Variants in PATZ1 observed in about 807,000 individuals in gnomAD.
The protein encoded by PATZ1 is POZ-, AT hook-, and zinc finger-containing protein 1.
PATZ1 carries 9 observed loss-of-function variants against 46.2 expected under a neutral mutation model. The observed-to-expected ratio is 0.19, with a 90% CI of 0.12 to 0.34. The LOEUF (loss-of-function observed/expected upper bound fraction) is 0.34, where lower values mean the gene tolerates loss of function less well. Ranked by LOEUF, PATZ1 falls within the 10% of genes least tolerant of loss-of-function variation. The pLI is 1.00. For missense variants in PATZ1, 632 were observed against 923.0 expected (o/e 0.68, Z 4.08); for synonymous variants, 426 against 378.6 (o/e 1.13, Z -1.45).
At chr22:31,335,292 C>T (rs2049494666) in intron 3 of PATZ1, 1 of 163,630 alleles carries the variant, frequency 6.1e-6, no homozygotes, top group African/African-American at 2.4e-5. Context: ...GTGAATCAAC[C>T]AGCAAAAGCT....
At chr22:31,342,583 C>G (rs563692184) in intron 2 of PATZ1, among the ~76,000 whole-genome samples, 4 of 152,144 alleles carry the variant, frequency 2.6e-5, no homozygotes, top group Non-Finnish European at 5.9e-5. Flanking sequence ...AACACAACAT[C>G]TGTGTGATAC....
chr22:31,335,597 AGT>A, intron 3 of PATZ1, 93 bp downstream of exon 3: 1 of 1,173,816 alleles, frequency 8.5e-7, no homozygotes, highest in Non-Finnish European at 1.2e-6. Context: ...CTGTGCAAAG[AGT>A]GGAGTCTGAG....
At position 31,345,023 on chromosome 22, in the gene PATZ1, C is replaced by A; in HGVS notation, c.580G>T (p.Ala194Ser). The part of the protein sequence containing the change: ...GFPLDMTNGA[A>S]LAANSNGIAG... ...ATGCCATTGCTGTTGGCTGCCAAGG[C>A]TGCCCCGTTGGTCATGTCCAAAGGG... Residue 194 changes from alanine (A) to serine (S), a missense_variant, in exon 1 of 5, where the codon GCC becomes TCC. This residue lies in a region of PATZ1 where 279 missense variants were observed against 284.3 expected (regional missense o/e 0.98). Coordinates refer to ENST00000266269, the MANE Select transcript of PATZ1 (RefSeq NM_014323.3). The surrounding 1 kb of genome is among the most constrained non-coding windows in gnomAD (Gnocchi z 7.4). 2 of 1,614,132 alleles carry A rather than the reference C, an allele frequency of 1.2e-6. No homozygotes were observed. Among genetic ancestry groups the A allele is most frequent in the Non-Finnish European group, 1.7e-6 (2 of 1,180,034 alleles).
chr22:31,343,595 G>A (rs567299497), intron 1 of PATZ1: 159 of 230,956 alleles, frequency 6.9e-4, no homozygotes, highest in Non-Finnish European at 1.0e-3. Flanking sequence ...GGTTAAAACC[G>A]GCCTTTTAGG....
chr22:31,334,228 C>CAGCCTGATAA (rs2049480796), intron 3 of PATZ1, among the ~76,000 whole-genome samples: 1 of 152,220 alleles, frequency 6.6e-6, no homozygotes, highest in Non-Finnish European at 1.5e-5. Context: ...CAGTCAGCCA[C>CAGCCTGATAA]AGCCTGATAA....
intron 2 of PATZ1, chr22:31,340,912 G>C (rs995998576): frequency 1.9e-6 from 2 of 1,066,364 alleles, no homozygotes; most frequent in Non-Finnish European, 1.1e-6. Context: ...ATGAAAGCAG[G>C]ATCTAGATCT....
rs1225961417 is a variant in PATZ1 at position 31,345,894 on chromosome 22, G to C, written c.-292C>G. 2 of 357,114 alleles carry C rather than the reference G, an allele frequency of 5.6e-6. No individual in the cohort carries two copies. Among genetic ancestry groups the C allele is most frequent in the Non-Finnish European group, 1.0e-5 (2 of 198,974 alleles). 22.1% of individuals were successfully genotyped at this position (357,114 alleles called of 1,614,324 possible). A position where few individuals can be genotyped will look rare whatever the true frequency, so the allele number is the denominator to read the frequency against. Reference sequence around the variant, plus strand: ...CCTTCCCGGTCTACCTTCCGGGGGGGTGCGCGAGCGAAGAGGTGCGCCCCT... The same window carrying C: ...CCTTCCCGGTCTACCTTCCGGGGGGCTGCGCGAGCGAAGAGGTGCGCCCCT... On this transcript the variant is annotated 5_prime_UTR_variant, in exon 1 of 5. Transcript: ENST00000266269. The surrounding 1 kb of genome is among the most constrained non-coding windows in gnomAD (Gnocchi z 7.4).
Position 31,345,461 on chromosome 22 carries a change from C to G in PATZ1, c.142G>C (p.Gly48Arg). 1 of 1,612,536 alleles carries G rather than the reference C, an allele frequency of 6.2e-7. No homozygotes were observed. The highest frequency in any genetic ancestry group is 1.1e-5 in the South Asian group (1 of 91,008). Residue 48 changes from glycine to arginine, a missense_variant, in exon 1 of 5, where the codon GGC (glycine) becomes CGC (arginine). By Grantham distance (125) the Gly-to-Arg change is moderately radical. Around this residue, in one of 7 missense-constraint regions of PATZ1, gnomAD observed 19 missense variants for 71.4 expected, o/e 0.27. Coordinates refer to ENST00000266269, the MANE Select transcript of PATZ1 (RefSeq NM_014323.3). This position sits in a 1 kb window ranked among gnomAD's most constrained non-coding sequence, Gnocchi z 7.4. ...GRFCDVLLRV[G>R]DESFPAHRAV... is the part of the protein sequence containing the mutation. ...CGGTGCGCTGGGAAGCTCTCGTCGC[C>G]TACCCGCAAGAGCACGTCGCAGAAG...
At position 31,345,788 on chromosome 22, in the gene PATZ1, G is replaced by C; in HGVS notation, c.-186C>G. 1.8e-6 allele frequency: 1 copy of C among 564,498 alleles called. No individual in the cohort carries two copies. Among genetic ancestry groups the C allele is most frequent in the South Asian group, 2.7e-5 (1 of 37,118 alleles). The allele number at this position is 564,498 out of a possible 1,614,324, so 35.0% of individuals were successfully genotyped here. On this transcript the variant is annotated 5_prime_UTR_variant, in exon 1 of 5. Coordinates refer to ENST00000266269, the MANE Select transcript of PATZ1 (RefSeq NM_014323.3). This position sits in a 1 kb window ranked among gnomAD's most constrained non-coding sequence, Gnocchi z 7.4. Reference sequence around the variant, plus strand: ...GCCCGGATCAGACTGTCTAGACTGCGGGGTGCACCACCCCCCACATAGCCA... The same window carrying C: ...GCCCGGATCAGACTGTCTAGACTGCCGGGTGCACCACCCCCCACATAGCCA...
At position 31,345,830 on chromosome 22, in the gene PATZ1, G is replaced by T; in HGVS notation, c.-228C>A. ...ACATAGCCAACCCCCGCCCTCGCTG[G>T]ACTGCGCGCCACTCTCTCCTCTCCG... On this transcript the variant is annotated 5_prime_UTR_variant, in exon 1 of 5. Coordinates refer to ENST00000266269, the MANE Select transcript of PATZ1 (RefSeq NM_014323.3). This position sits in a 1 kb window ranked among gnomAD's most constrained non-coding sequence, Gnocchi z 7.4. 2.3e-6 allele frequency: 1 copy of T among 443,376 alleles called. No individual in the cohort carries two copies. The highest frequency in any genetic ancestry group is 5.3e-5 in the South Asian group (1 of 18,848). 27.5% of individuals were successfully genotyped at this position (443,376 alleles called of 1,614,324 possible). A position where few individuals can be genotyped will look rare whatever the true frequency, so the allele number is the denominator to read the frequency against.
At chr22:31,343,862 T>C (rs1189459059) in intron 1 of PATZ1, among the ~76,000 whole-genome samples, 1 of 152,220 alleles carries the variant, frequency 6.6e-6, no homozygotes, top group African/African-American at 2.4e-5. Flanking sequence ...TGGAGTCTAC[T>C]GATCAGGATG....
chr22:31,344,218 T>G (rs2049619300), intron 1 of PATZ1, 114 bp downstream of exon 1: 1 of 937,864 alleles, frequency 1.1e-6, no homozygotes. Context: ...AAACCTGGCA[T>G]GGTTCTATAA....
At chr22:31,342,396 C>T (rs2049593425) in intron 2 of PATZ1, among the ~76,000 whole-genome samples, 1 of 152,098 alleles carries the variant, frequency 6.6e-6, no homozygotes, top group African/African-American at 2.4e-5. Context: ...CTCCCTACCT[C>T]CTACCTCCCC....
chr22:31,338,792 T>TA (rs2049543918), intron 2 of PATZ1, among the ~76,000 whole-genome samples: 1 of 152,188 alleles, frequency 6.6e-6, no homozygotes, highest in Non-Finnish European at 1.5e-5. Context: ...CTCACACCTG[T>TA]AATCCCAACA....
chr22:31,331,506 A>G (rs1190599436), intron 3 of PATZ1, among the ~76,000 whole-genome samples: 1 of 151,486 alleles, frequency 6.6e-6, no homozygotes, highest in Admixed American at 6.6e-5. Flanking sequence ...TACCTGGCTA[A>G]TTTTTTTTGT....
rs981062249 is a variant in PATZ1 at position 31,327,983 on chromosome 22, C to A, written c.1646-674G>T. Among the ~76,000 whole-genome samples, 2 of 152,212 alleles carry A rather than the reference C, an allele frequency of 1.3e-5. No individual in the cohort carries two copies. Among genetic ancestry groups the A allele is most frequent in the African/African-American group, 4.8e-5 (2 of 41,464 alleles). On this transcript the variant is annotated intron_variant, in intron 4 of 4. Transcript: ENST00000266269. The surrounding 1 kb of genome is among the most constrained non-coding windows in gnomAD (Gnocchi z 4.2). ...CACCCTAGGCCCCAGACAAGCTGGG[C>A]CAAGAGACAACCCTGGCTGCTCTGC...
At position 31,343,252 on chromosome 22, in the gene PATZ1, G is replaced by C. The variant is rs535665987; in HGVS notation, c.1272-292C>G. On this transcript the variant is annotated intron_variant, in intron 1 of 4. Transcript: ENST00000266269. ...AGAAACTCAGTGTTTTCTAGGACCAGAGGCGGTGGCAGTAGAATGAAACAG... is the reference window on the plus strand; with the variant it reads ...AGAAACTCAGTGTTTTCTAGGACCACAGGCGGTGGCAGTAGAATGAAACAG... The C allele has an allele frequency of 9.5e-6, 11 of 1,159,764 alleles. No homozygotes were observed. In the South Asian group the frequency reaches 2.1e-4, roughly 22 times the overall value. 71.8% of individuals were successfully genotyped at this position (1,159,764 alleles called of 1,614,324 possible).
rs1235054261 is a variant in PATZ1, at chr22:31,345,317, C to T, written c.286G>A (p.Gly96Ser). 6.2e-7 allele frequency: 1 copy of T among 1,610,630 alleles called. No individual in the cohort carries two copies. Among genetic ancestry groups the T allele is most frequent in the Non-Finnish European group, 8.5e-7 (1 of 1,177,960 alleles). ...DVGGATAAPG[G>S]GAGGSRELEM... ...AGCTCCCGGCTGCCCCCGGCCCCGCCGCCTGGTGCTGCCGTCGCGCCCCCT... is the reference window on the plus strand; with the variant it reads ...AGCTCCCGGCTGCCCCCGGCCCCGCTGCCTGGTGCTGCCGTCGCGCCCCCT... Residue 96 changes from glycine (G) to serine (S), a missense_variant, in exon 1 of 5, where the codon GGC becomes AGC. Physicochemically the swap from Gly to Ser is moderately conservative, Grantham distance 56. This residue lies in a region of PATZ1 where 62 missense variants were observed against 67.9 expected (regional missense o/e 0.91). Transcript: ENST00000266269. The surrounding 1 kb of genome is among the most constrained non-coding windows in gnomAD (Gnocchi z 7.4).
intron 2 of PATZ1, among the ~76,000 whole-genome samples, chr22:31,336,413 A>C (rs1328501707): frequency 6.6e-6 from 1 of 152,196 alleles, no homozygotes; most frequent in Non-Finnish European, 1.5e-5. Flanking sequence ...ATTATTCGTA[A>C]TATTTTCACG....
Sources: gnomAD v4.1 joint callset for allele counts (sites outside exome capture counted in the v4.1 genomes callset) on GRCh38, gnomAD v4.1.1 for gene constraint, gnomAD v4.1.1 regional missense constraint, Gnocchi (gnomAD v3.1) non-coding constraint, MANE v1.5 for transcripts, NCBI Gene and HGNC (gene_info 2026-07-23, HGNC 2026-07-21) for gene names.